The following KLF8 variants were observed in gnomAD, a reference collection of about 807,000 sequenced individuals.
The protein encoded by KLF8 is KLF transcription factor 8, also known as Krueppel-like factor 8.
In KLF8, 10 loss-of-function variants were observed where a neutral mutation model predicts 18.2. The ratio of observed to expected loss-of-function variants is 0.55; its 90% CI spans 0.34 to 0.93. The LOEUF (loss-of-function observed/expected upper bound fraction) is 0.93. Ranked by LOEUF, KLF8 falls within the 40% of genes least tolerant of loss-of-function variation. The probability of loss-of-function intolerance (pLI) is 0.02; values close to 1 mark genes in which losing one functional copy is unlikely to be tolerated. For synonymous variants in KLF8, 109 were observed against 97.3 expected (o/e 1.12, Z -0.71); for missense variants, 264 against 277.9 (o/e 0.95, Z 0.36).
chrX:56,095,047 A>G, the KLF8 span, among the ~76,000 whole-genome samples: 1 of 111,620 alleles, frequency 9.0e-6, no homozygotes, highest in Non-Finnish European at 1.9e-5. Flanking sequence ...TAGCCAAAGC[A>G]ATCTTGAGAA....
At chrX:56,054,482 T>C in the KLF8 span, among the ~76,000 whole-genome samples, 4 of 112,025 alleles carry the variant, frequency 3.6e-5, no homozygotes, top group Admixed American at 1.9e-4. Flanking sequence ...CTTTTGCTTT[T>C]GTTTAGGATT....
chrX:56,096,272 A>G, the KLF8 span, among the ~76,000 whole-genome samples: 1 of 111,236 alleles, frequency 9.0e-6, no homozygotes, highest in South Asian at 3.8e-4. Flanking sequence ...GAGTGGAATA[A>G]CAGACATTGG....
chrX:56,028,427 C>A, the KLF8 span, among the ~76,000 whole-genome samples: 3 of 111,510 alleles, frequency 2.7e-5, no homozygotes, highest in East Asian at 8.5e-4. Context: ...AGGCTGTGCT[C>A]CCCTTTCTGA....
the KLF8 span, among the ~76,000 whole-genome samples, chrX:56,103,227 G>GT: frequency 1.8e-5 from 2 of 110,438 alleles, no homozygotes; most frequent in Non-Finnish European, 3.8e-5. Context: ...CTTTAAAGTA[G>GT]TTTTTTCCAA....
the KLF8 span, among the ~76,000 whole-genome samples, chrX:56,128,257 T>C: frequency 8.9e-6 from 1 of 112,227 alleles, no homozygotes; most frequent in Non-Finnish European, 1.9e-5. Flanking sequence ...GGAGTTCTGA[T>C]AGACTGAAAG....
the KLF8 span, among the ~76,000 whole-genome samples, chrX:55,954,088 G>T: frequency 1.3e-4 from 14 of 110,148 alleles, no homozygotes; most frequent in African/African-American, 4.6e-4. Flanking sequence ...AATATATAAA[G>T]GACTCTTATA....
chrX:55,924,170 C>T, the KLF8 span, among the ~76,000 whole-genome samples: 1 of 111,310 alleles, frequency 9.0e-6, no homozygotes, highest in African/African-American at 3.3e-5. Context: ...CCCAGGTTCA[C>T]GCCATTCTCC....
the KLF8 span, among the ~76,000 whole-genome samples, chrX:56,217,419 C>T: frequency 4.0e-3 from 109 of 27,334 alleles, no homozygotes; most frequent in African/African-American, 8.7e-3. Context: ...TTTATTTATT[C>T]ATTTATTTTA....
the KLF8 span, among the ~76,000 whole-genome samples, chrX:56,022,551 C>CAAAAAAAAA: frequency 0.018 from 490 of 27,205 alleles, 51 homozygotes; most frequent in African/African-American, 0.04. Context: ...TCTGTCTGAC[C>CAAAAAAAAA]AAAAAAAAAA....
the KLF8 span, among the ~76,000 whole-genome samples, chrX:56,128,515 T>C: frequency 3.6e-5 from 4 of 111,732 alleles, no homozygotes; most frequent in Non-Finnish European, 7.5e-5. Context: ...GAGACCATTT[T>C]ATGCCCCAAC....
the KLF8 span, among the ~76,000 whole-genome samples, chrX:55,973,644 A>G: frequency 8.9e-6 from 1 of 112,473 alleles, no homozygotes. Flanking sequence ...CCACCATGTG[A>G]TAACATCTTA....
the KLF8 span, among the ~76,000 whole-genome samples, chrX:56,223,100 C>G: frequency 1.8e-5 from 2 of 113,231 alleles, no homozygotes; most frequent in Non-Finnish European, 3.7e-5. Context: ...GGGCTGCCAG[C>G]AGGCTGTCAC....
chrX:56,138,321 C>T, the KLF8 span, among the ~76,000 whole-genome samples: 1 of 111,233 alleles, frequency 9.0e-6, no homozygotes, highest in Non-Finnish European at 1.9e-5. Flanking sequence ...TTTTATGAGG[C>T]CAGCATCATT....
chrX:56,093,731 T>C, the KLF8 span, among the ~76,000 whole-genome samples: 1 of 110,981 alleles, frequency 9.0e-6, no homozygotes, highest in Non-Finnish European at 1.9e-5. Context: ...AGCAACAAAA[T>C]ATTTAATAAT....
At chrX:56,158,153 T>A in the KLF8 span, among the ~76,000 whole-genome samples, 1 of 112,008 alleles carries the variant, frequency 8.9e-6, no homozygotes, top group African/African-American at 3.2e-5. Context: ...GGGAATCGTT[T>A]CCCCATTTCT....
chrX:55,989,661 C>T, the KLF8 span, among the ~76,000 whole-genome samples: 1 of 110,855 alleles, frequency 9.0e-6, no homozygotes, highest in Non-Finnish European at 1.9e-5. Context: ...GTCTAAAATT[C>T]TCTTTTTTTT....
the KLF8 span, among the ~76,000 whole-genome samples, chrX:56,168,493 A>C: frequency 8.9e-6 from 1 of 112,457 alleles, no homozygotes; most frequent in African/African-American, 3.2e-5. Flanking sequence ...ATAAACATAA[A>C]AAAATAGTCT....
the KLF8 span, among the ~76,000 whole-genome samples, chrX:56,031,310 G>T: frequency 2.7e-5 from 3 of 111,672 alleles, no homozygotes; most frequent in Non-Finnish European, 5.6e-5. Flanking sequence ...AGAAATTTAA[G>T]CCAAGTCAAA....
At chrX:55,943,062 CA>C in the KLF8 span, among the ~76,000 whole-genome samples, 1 of 40,155 alleles carries the variant, frequency 2.5e-5, no homozygotes, top group Non-Finnish European at 5.1e-5. Flanking sequence ...TAGAGTTGAC[CA>C]GACTTAATGG....
Sources: gnomAD v4.1 joint callset for allele counts (sites outside exome capture counted in the v4.1 genomes callset) on GRCh38, gnomAD v4.1.1 for gene constraint, MANE v1.5 for transcripts, NCBI Gene and HGNC (gene_info 2026-07-23, HGNC 2026-07-21) for gene names.